Variants in NIN observed in about 807,000 individuals in gnomAD.
NIN encodes the protein glycogen synthase kinase 3 beta-interacting protein.
NIN carries 137 observed loss-of-function variants against 257.6 expected under a neutral mutation model. That is an observed-to-expected ratio of 0.53 (90% CI 0.46 to 0.61). NIN has a LOEUF of 0.61. NIN is among the 20% of genes least tolerant of loss of function. NIN has a pLI of 0.00. For missense variants in NIN, 2,439 were observed against 2,501.2 expected (o/e 0.98, Z 0.53); for synonymous variants, 918 against 919.8 (o/e 1.00, Z 0.04).
intron 16 of NIN, among the ~76,000 whole-genome samples, chr14:50,760,641 A>G (rs2042240910): frequency 6.6e-6 from 1 of 152,056 alleles, no homozygotes; most frequent in Non-Finnish European, 1.5e-5. Flanking sequence ...CTGTCTTCCC[A>G]TGCATCCTTT....
intron 20 of NIN, 89 bp from the exon 21 acceptor site, chr14:50,752,822 T>C (rs1190947875): frequency 3.2e-5 from 22 of 694,008 alleles, no homozygotes; most frequent in Non-Finnish European, 5.2e-5. Context: ...TAATTGTCTT[T>C]TCCCTCTTTA....
At chr14:50,766,225 G>A (rs972318810) in intron 14 of NIN, 82 bp downstream of exon 14, 1 of 1,012,626 alleles carries the variant, frequency 9.9e-7, no homozygotes, top group Non-Finnish European at 1.6e-6. Context: ...GACTTGCTTA[G>A]GGTCACAGAG....
intron 6 of NIN, 45 bp downstream of exon 6, chr14:50,778,714 CACCCGG>C: frequency 6.4e-7 from 1 of 1,552,828 alleles, no homozygotes; most frequent in Non-Finnish European, 8.9e-7. Flanking sequence ...GTGTGGAGAG[CACCCGG>C]CGGCCCTTCC....
intron 3 of NIN, among the ~76,000 whole-genome samples, 177 bp downstream of exon 3, chr14:50,821,697 G>T (rs1411504618): frequency 6.6e-6 from 1 of 152,068 alleles, no homozygotes; most frequent in Non-Finnish European, 1.5e-5. Flanking sequence ...ATTAAAGCAG[G>T]CTCTTGTCAC....
chr14:50,772,846 T>G, intron 8 of NIN, 103 bp downstream of exon 8: 1 of 951,478 alleles, frequency 1.1e-6, no homozygotes, highest in Non-Finnish European at 1.6e-6. Context: ...CTTCCCTCTC[T>G]TTCCTTAGTA....
intron 5 of NIN, among the ~76,000 whole-genome samples, chr14:50,785,401 A>G (rs901124760): frequency 6.6e-6 from 1 of 152,232 alleles, no homozygotes; most frequent in African/African-American, 2.4e-5. Context: ...GGGGGCAGAC[A>G]CCGGGGCATT....
intron 4 of NIN, among the ~76,000 whole-genome samples, chr14:50,801,683 G>T (rs1408925820): frequency 6.6e-6 from 1 of 152,108 alleles, no homozygotes. Context: ...CAATTGCTGA[G>T]TAAATGAAAA....
chr14:50,789,198 A>T (rs1021870334), intron 5 of NIN, among the ~76,000 whole-genome samples: 1 of 152,206 alleles, frequency 6.6e-6, no homozygotes, highest in Non-Finnish European at 1.5e-5. Flanking sequence ...CCCAAGGAAT[A>T]AATTCCCAAC....
At chr14:50,830,263 G>T (rs138762290) in intron 2 of NIN, among the ~76,000 whole-genome samples, 1,629 of 152,316 alleles carry the variant, frequency 0.011, 7 homozygotes, top group Non-Finnish European at 0.016. Context: ...CGGGGCGTCG[G>T]GGGTACTGGA....
intron 28 of NIN, chr14:50,730,915 T>A: frequency 7.4e-7 from 1 of 1,343,774 alleles, no homozygotes; most frequent in Non-Finnish European, 9.8e-7. Flanking sequence ...TGAAAGAGAA[T>A]GTTCTACCTT....
In NIN at chr14:50,773,065, G is replaced by A; in HGVS notation, c.697C>T (p.Pro233Ser). The stretch of plus-strand genomic sequence containing the variant: ...TCTTCTACACTCATTGTACCGTCAG[G>A]ATCAAGATTATGGAATACTTCCTCG... ...MLEEVFHNLD[P>S]DGTMSVEDFF... The change falls in exon 8 of 31, where the codon CCT becomes TCT. Residue 233 changes from proline (P) to serine (S), a missense_variant. Coordinates refer to ENST00000530997, the MANE Select transcript of NIN (RefSeq NM_020921.4). 6.2e-7 allele frequency: 1 copy of A among 1,611,964 alleles called. No homozygotes were observed. Among genetic ancestry groups the A allele is most frequent in the East Asian group, 2.2e-5 (1 of 44,834 alleles).
intron 3 of NIN, among the ~76,000 whole-genome samples, chr14:50,817,797 C>T (rs35098661): frequency 0.28 from 42,575 of 151,884 alleles, 6,458 homozygotes; most frequent in African/African-American, 0.38. Flanking sequence ...CCCACTGCAA[C>T]CTTTGTCTCC....
intron 4 of NIN, among the ~76,000 whole-genome samples, chr14:50,801,445 T>C (rs966638972): frequency 5.3e-5 from 8 of 152,208 alleles, no homozygotes; most frequent in Admixed American, 3.9e-4. Context: ...TAGCATTTCA[T>C]TGATGCCAGC....
chr14:50,772,623 C>A (rs1196625035), intron 8 of NIN, among the ~76,000 whole-genome samples, 155 bp from the exon 9 acceptor site: 2 of 152,216 alleles, frequency 1.3e-5, no homozygotes, highest in Non-Finnish European at 2.9e-5. Flanking sequence ...CTGTTCCCAA[C>A]TGAGTCAAGC....
chr14:50,818,813 G>A (rs1028823220), intron 3 of NIN, among the ~76,000 whole-genome samples: 16 of 151,918 alleles, frequency 1.1e-4, no homozygotes, highest in Admixed American at 2.0e-4. Context: ...ATAATTTGGG[G>A]GAAAATGACC....
intron 2 of NIN, among the ~76,000 whole-genome samples, chr14:50,829,977 C>T (rs2045626813): frequency 6.6e-6 from 1 of 152,220 alleles, no homozygotes; most frequent in Admixed American, 6.5e-5. Flanking sequence ...GTTCTTTCCC[C>T]TTCTCCTGGG....
chr14:50,740,144 T>A (rs2041207804), intron 25 of NIN, among the ~76,000 whole-genome samples: 1 of 151,034 alleles, frequency 6.6e-6, no homozygotes, highest in Non-Finnish European at 1.5e-5. Context: ...AAAGGTACAA[T>A]CTCATTTTCA....
At chr14:50,828,179 C>A (rs1484594689) in intron 2 of NIN, among the ~76,000 whole-genome samples, 1 of 151,690 alleles carries the variant, frequency 6.6e-6, no homozygotes, top group African/African-American at 2.4e-5. Flanking sequence ...ATTTAGGATG[C>A]CTGAGGCTAT....
Position 50,763,812 on chromosome 14 carries a change from C to G in NIN, c.1774+14G>C. ...AGTAAAGGCTTTATCTACAGCCTGT[C>G]CGAATGTGTTTACCGTGTTCGGGCT... On this transcript the variant is annotated intron_variant, in intron 15 of 30. Coordinates refer to ENST00000530997, the MANE Select transcript of NIN (RefSeq NM_020921.4). The G allele has an allele frequency of 6.2e-7, 1 of 1,612,968 alleles. No individual in the cohort carries two copies. Among genetic ancestry groups the G allele is most frequent in the Non-Finnish European group, 8.5e-7 (1 of 1,179,208 alleles).
Sources: gnomAD v4.1 joint callset for allele counts (sites outside exome capture counted in the v4.1 genomes callset) on GRCh38, gnomAD v4.1.1 for gene constraint, MANE v1.5 for transcripts, NCBI Gene and HGNC (gene_info 2026-07-23, HGNC 2026-07-21) for gene names.